Variants in CDH11 observed in about 807,000 individuals in gnomAD.
CDH11 encodes cadherin-11.
CDH11 carries 11 observed loss-of-function variants against 67.8 expected under a neutral mutation model. That is an observed-to-expected ratio of 0.16 (90% CI 0.10 to 0.27). The LOEUF is 0.27. CDH11 is among the 10% of genes least tolerant of loss of function. CDH11 has a pLI of 1.00. For missense variants in CDH11, 847 were observed against 1,031.2 expected, an observed-to-expected ratio of 0.82 and a Z score of 2.45; for synonymous variants, 419 against 400.0, an observed-to-expected ratio of 1.05 and a Z score of -0.57.
chr16:65,026,049 G>C (rs756455848), intron 2 of CDH11, among the ~76,000 whole-genome samples: 1 of 152,196 alleles, frequency 6.6e-6, no homozygotes, highest in African/African-American at 2.4e-5. Flanking sequence ...AAGCTCCAGG[G>C]TGGATGGCAT....
At chr16:65,031,501 G>A (rs1176685163) in intron 2 of CDH11, among the ~76,000 whole-genome samples, 1 of 152,208 alleles carries the variant, frequency 6.6e-6, no homozygotes, top group African/African-American at 2.4e-5. Context: ...GTAGGTATGA[G>A]TTTAGTCTTG....
chr16:64,954,114 C>T (rs1321874162), intron 11 of CDH11, among the ~76,000 whole-genome samples: 1 of 152,166 alleles, frequency 6.6e-6, no homozygotes, highest in Non-Finnish European at 1.5e-5. Flanking sequence ...CTGGGCATGA[C>T]ATTGGCACAT....
chr16:65,064,291 T>C (rs1189934355), intron 1 of CDH11, among the ~76,000 whole-genome samples: 1 of 152,250 alleles, frequency 6.6e-6, no homozygotes, highest in African/African-American at 2.4e-5. Context: ...TTCAGTTCTG[T>C]GGCTTAGGAC....
At chr16:64,993,710 T>C (rs567792938) in intron 4 of CDH11, among the ~76,000 whole-genome samples, 2 of 152,134 alleles carry the variant, frequency 1.3e-5, no homozygotes, top group Middle Eastern at 3.4e-3. Context: ...AACCAGGAAA[T>C]TGAAGAAAGA....
intron 7 of CDH11, chr16:64,983,142 TTTA>T (rs1363020316): frequency 1.4e-5 from 1 of 73,250 alleles, no homozygotes; most frequent in Non-Finnish European, 3.9e-5. Flanking sequence ...TGCTTCTTTT[TTTA>T]AAAAAAAAAA....
intron 1 of CDH11, among the ~76,000 whole-genome samples, chr16:65,110,721 T>C (rs1393187413): frequency 6.6e-6 from 1 of 150,550 alleles, no homozygotes; most frequent in Non-Finnish European, 1.5e-5. Flanking sequence ...TGGTGCTGAG[T>C]TGGCATTCTA....
chr16:65,055,785 C>A (rs934895285), intron 1 of CDH11, among the ~76,000 whole-genome samples: 2 of 152,156 alleles, frequency 1.3e-5, no homozygotes, highest in African/African-American at 4.8e-5. Flanking sequence ...GCAGGATCAG[C>A]AGTAGAATGT....
At chr16:65,083,750 T>C (rs1414463700) in intron 1 of CDH11, among the ~76,000 whole-genome samples, 1 of 152,178 alleles carries the variant, frequency 6.6e-6, no homozygotes, top group African/African-American at 2.4e-5. Context: ...CAAGAGAAAT[T>C]ACCAACATTA....
intron 2 of CDH11, among the ~76,000 whole-genome samples, chr16:65,052,921 G>A (rs2074082005): frequency 6.6e-6 from 1 of 152,118 alleles, no homozygotes; most frequent in Non-Finnish European, 1.5e-5. Flanking sequence ...TGGAGGTGAG[G>A]GGTTGAGAGG....
chr16:65,010,780 ATG>A (rs1239903485), intron 2 of CDH11, among the ~76,000 whole-genome samples: 1 of 151,924 alleles, frequency 6.6e-6, no homozygotes. Flanking sequence ...TTCACTACCT[ATG>A]TGTCAGGTTC....
chr16:65,068,162 G>C (rs760948013), intron 1 of CDH11, among the ~76,000 whole-genome samples: 1 of 148,160 alleles, frequency 6.7e-6, no homozygotes, highest in Non-Finnish European at 1.5e-5. Context: ...CAAAGGAAGA[G>C]AGAAAAAAGG....
rs746769837 is a variant in CDH11 at position 64,947,934 on chromosome 16, A to G, written c.2060T>C (p.Ile687Thr). 3 of 1,614,032 alleles carry G rather than the reference A, an allele frequency of 1.9e-6. No individual in the cohort carries two copies. The Admixed American group carries it at 5.0e-5, about 27-fold the overall frequency. The change falls in exon 13 of 13, where the codon ATC (isoleucine) becomes ACC (threonine). Residue 687 changes from isoleucine to threonine, a missense_variant. Ile to Thr is a moderately conservative substitution (Grantham distance 89). Coordinates refer to ENST00000268603, the MANE Select transcript of CDH11 (RefSeq NM_001797.4). ...GTCTTTGCGGGGGATAAATCCATTG[A>G]TACCATCAGGATTCTGGAGGGTGGC... The part of the protein sequence containing the change: ...DIATLQNPDG[I>T]NGFIPRKDIK...
At chr16:65,013,667 A>G (rs924254963) in intron 2 of CDH11, among the ~76,000 whole-genome samples, 1 of 152,064 alleles carries the variant, frequency 6.6e-6, no homozygotes, top group Non-Finnish European at 1.5e-5. Flanking sequence ...TACTAAAAAA[A>G]TATACAAAAA....
chr16:65,059,256 G>A (rs1317713209), intron 1 of CDH11, among the ~76,000 whole-genome samples: 2 of 152,116 alleles, frequency 1.3e-5, no homozygotes, highest in Non-Finnish European at 2.9e-5. Flanking sequence ...GCTCCTTACT[G>A]CCTGTACAGA....
intron 12 of CDH11, chr16:64,948,810 T>C: frequency 6.5e-7 from 1 of 1,534,438 alleles, no homozygotes; most frequent in Non-Finnish European, 8.8e-7. Context: ...ATCAGAGTCA[T>C]TTATAAGGAA....
intron 2 of CDH11, among the ~76,000 whole-genome samples, chr16:65,050,976 C>A (rs1241745016): frequency 6.6e-6 from 1 of 152,100 alleles, no homozygotes; most frequent in African/African-American, 2.4e-5. Context: ...TGAAGAGCCC[C>A]ATTTGGCTCA....
At chr16:64,952,697 T>G (rs2071395346) in intron 11 of CDH11, among the ~76,000 whole-genome samples, 1 of 151,986 alleles carries the variant, frequency 6.6e-6, no homozygotes, top group East Asian at 1.9e-4. Flanking sequence ...CACACTGAAC[T>G]TCTGGTATGG....
chr16:64,955,399 C>T (rs1307449203), intron 11 of CDH11, among the ~76,000 whole-genome samples: 1 of 151,990 alleles, frequency 6.6e-6, no homozygotes, highest in Non-Finnish European at 1.5e-5. Context: ...TGCCACTGCA[C>T]TCCAACCTGG....
intron 1 of CDH11, among the ~76,000 whole-genome samples, chr16:65,056,582 TC>T (rs1254866603): frequency 6.6e-6 from 1 of 152,186 alleles, no homozygotes; most frequent in East Asian, 1.9e-4. Flanking sequence ...CAGTGAATTA[TC>T]CTTAAGCACA....
Sources: allele counts gnomAD v4.1 joint callset (sites outside exome capture counted in the v4.1 genomes callset), GRCh38; gene constraint gnomAD v4.1.1; transcripts MANE v1.5; gene names NCBI Gene and HGNC (gene_info 2026-07-23, HGNC 2026-07-21).